FGF9: variants seen among roughly 807,000 people sequenced by gnomAD.
FGF9 encodes the protein fibroblast growth factor 9, also known as fibroblast growth factor 9 (glia-activating factor).
Under a neutral mutation model 19.9 loss-of-function variants are expected in FGF9, and 3 were observed. The observed-to-expected ratio is 0.15, with a 90% CI of 0.07 to 0.39. The LOEUF is 0.39. FGF9 is among the 10% of genes least tolerant of loss of function. FGF9 has a pLI of 1.00. For missense variants in FGF9, 175 were observed against 256.8 expected, an observed-to-expected ratio of 0.68 and a Z score of 2.18; for synonymous variants, 107 against 106.9, an observed-to-expected ratio of 1.00 and a Z score of -0.01.
intron 2 of FGF9, among the ~76,000 whole-genome samples, chr13:21,696,511 A>G (rs1872412790): frequency 6.7e-6 from 1 of 149,960 alleles, no homozygotes; most frequent in Non-Finnish European, 1.5e-5. Flanking sequence ...TGATCACTTT[A>G]TAGTGGAATA....
chr13:21,679,129 C>G lies in FGF9; in HGVS notation c.278-1913C>G, dbSNP rs375142610. On this transcript the variant is annotated intron_variant, in intron 1 of 2. Transcript: ENST00000382353. ...AACTGGCTTCTTTTGCATGTATTCT[C>G]CATCATAGAGTCATAGATTATCAGA... Among the ~76,000 whole-genome samples the G allele has an allele frequency of 5.3e-5, 8 of 152,260 alleles. 1 individual carries two copies. In the East Asian group the frequency reaches 1.5e-3, roughly 29 times the overall value.
rs17070240 is a variant in FGF9, at chr13:21,681,284, G to A, written c.381+139G>A. On this transcript the variant is annotated intron_variant, in intron 2 of 2. Coordinates refer to ENST00000382353, the MANE Select transcript of FGF9 (RefSeq NM_002010.3). Reference sequence around the variant, plus strand: ...TGTAAGTTTTTACTTTTTGAGGAAAGCCATTTTATTTTTATTAATAGATAA... The same window carrying A: ...TGTAAGTTTTTACTTTTTGAGGAAAACCATTTTATTTTTATTAATAGATAA... 599 of 672,956 alleles carry A rather than the reference G, an allele frequency of 8.9e-4. 1 individual carries two copies. The African/African-American group carries it at 8.9e-3, about 10-fold the overall frequency. The allele number at this position is 672,956 out of a possible 1,614,324, so 41.7% of individuals were successfully genotyped here.
chr13:21,679,668 G>C (rs1199244001), intron 1 of FGF9, among the ~76,000 whole-genome samples: 2 of 151,586 alleles, frequency 1.3e-5, no homozygotes, highest in Non-Finnish European at 2.9e-5. Flanking sequence ...GACAGGCGCG[G>C]TAGCTCACGC....
chr13:21,701,591 T>A lies in FGF9; in HGVS notation c.*156T>A. The A allele has an allele frequency of 3.8e-6, 4 of 1,064,228 alleles. No homozygotes were observed. Among genetic ancestry groups the A allele is most frequent in the Non-Finnish European group, 5.6e-6 (4 of 715,826 alleles). 65.9% of individuals were successfully genotyped at this position (1,064,228 alleles called of 1,614,324 possible). Reference sequence around the variant, plus strand: ...TATGATGGAGGCTTGGATGGGAATATGCTGATTTTGTTCTGCACTTAAAGG... The same window carrying A: ...TATGATGGAGGCTTGGATGGGAATAAGCTGATTTTGTTCTGCACTTAAAGG... On this transcript the variant is annotated 3_prime_UTR_variant, in exon 3 of 3. Coordinates refer to ENST00000382353, the MANE Select transcript of FGF9 (RefSeq NM_002010.3).
At chr13:21,687,199 CAT>C (rs1201892261) in intron 2 of FGF9, among the ~76,000 whole-genome samples, 1 of 152,154 alleles carries the variant, frequency 6.6e-6, no homozygotes, top group East Asian at 1.9e-4. Flanking sequence ...GGCAGACACA[CAT>C]GAGTCAAAGA....
At chr13:21,690,633 G>C (rs916011747) in intron 2 of FGF9, among the ~76,000 whole-genome samples, 3 of 152,176 alleles carry the variant, frequency 2.0e-5, no homozygotes, top group Admixed American at 6.5e-5. Context: ...AAACTTGCTT[G>C]TAACCCCCAA....
chr13:21,677,414 G>GT (rs1871943377), intron 1 of FGF9, among the ~76,000 whole-genome samples: 2 of 152,096 alleles, frequency 1.3e-5, no homozygotes, highest in African/African-American at 2.4e-5. Flanking sequence ...TCTCCTGGCT[G>GT]TTATTGATCC....
chr13:21,671,307 T>TTTA lies in FGF9; in HGVS notation c.-595_-593dup, dbSNP rs555608414. 8.6e-5 allele frequency: 31 copies of TTTA among 359,074 alleles called. No homozygotes were observed. The highest frequency in any genetic ancestry group is 1.2e-4 in the Non-Finnish European group (24 of 202,744). 22.2% of individuals were successfully genotyped at this position (359,074 alleles called of 1,614,324 possible). A position where few individuals can be genotyped will look rare whatever the true frequency, so the allele number is the denominator to read the frequency against. On this transcript the variant is annotated 5_prime_UTR_variant, in exon 1 of 3. Transcript: ENST00000382353. ...GCCTAAAGTTTCTTCTTCTTTTTGT[T>TTTA]TTATTATTATTATCATTTTTTGGAG...
At chr13:21,699,732 T>C (rs893558111) in intron 2 of FGF9, among the ~76,000 whole-genome samples, 3 of 152,232 alleles carry the variant, frequency 2.0e-5, no homozygotes, top group African/African-American at 7.2e-5. Context: ...GTATAAAGTT[T>C]ACTGTCTGTC....
rs565147519 is a variant in FGF9 at position 21,671,850 on chromosome 13, A to T, written c.-63A>T. ...AGGGGAGTTGGATATACCTCGCCTAATATCTCCTGGGTTGACACCATCATT... is the reference window on the plus strand; with the variant it reads ...AGGGGAGTTGGATATACCTCGCCTATTATCTCCTGGGTTGACACCATCATT... On this transcript the variant is annotated 5_prime_UTR_variant, in exon 1 of 3. Coordinates refer to ENST00000382353, the MANE Select transcript of FGF9 (RefSeq NM_002010.3). 3.1e-5 allele frequency: 49 copies of T among 1,601,042 alleles called. No homozygotes were observed. The highest frequency in any genetic ancestry group is 3.9e-5 in the Non-Finnish European group (45 of 1,168,382).
chr13:21,690,197 A>G (rs1403800260), intron 2 of FGF9, among the ~76,000 whole-genome samples: 1 of 152,028 alleles, frequency 6.6e-6, no homozygotes, highest in Non-Finnish European at 1.5e-5. Flanking sequence ...TCACACACTC[A>G]CACACTCTTC....
At position 21,671,167 on chromosome 13, in the gene FGF9, C is replaced by G. The variant is rs1299575790; in HGVS notation, c.-746C>G. On this transcript the variant is annotated 5_prime_UTR_variant, in exon 1 of 3. Transcript: ENST00000382353. Reference sequence around the variant, plus strand: ...GCGCGGCAACACCTGTTCGCGGCAGCCTGGGCGGCACGCGAGCTCCCGGAC... The same window carrying G: ...GCGCGGCAACACCTGTTCGCGGCAGGCTGGGCGGCACGCGAGCTCCCGGAC... Among the ~76,000 whole-genome samples the G allele has an allele frequency of 6.6e-6, 1 of 152,244 alleles. No homozygotes were observed. The highest frequency in any genetic ancestry group is 2.4e-5 in the African/African-American group (1 of 41,462).
rs1440380804 is a variant in FGF9, at chr13:21,702,771, T to G, written c.*1336T>G. ...AGAAAATGGCTATCAGTGTGAACTGTCATAATTACGTGGTAATAGCACCCT... is the reference window on the plus strand; with the variant it reads ...AGAAAATGGCTATCAGTGTGAACTGGCATAATTACGTGGTAATAGCACCCT... On this transcript the variant is annotated 3_prime_UTR_variant, in exon 3 of 3. Transcript: ENST00000382353. 6.6e-6 allele frequency: 1 copy of G among 152,210 alleles called. No homozygotes were observed. Among genetic ancestry groups the G allele is most frequent in the Non-Finnish European group, 1.5e-5 (1 of 68,046 alleles). 9.4% of individuals were successfully genotyped at this position (152,210 alleles called of 1,614,324 possible).
At chr13:21,681,226 C>A in intron 2 of FGF9, 81 bp downstream of exon 2, 1 of 1,062,308 alleles carries the variant, frequency 9.4e-7, no homozygotes, top group Non-Finnish European at 1.5e-6. Context: ...TAAAAAGGGC[C>A]AGAAATGCAA....
intron 1 of FGF9, among the ~76,000 whole-genome samples, chr13:21,679,999 C>G (rs927975453): frequency 1.3e-5 from 2 of 150,354 alleles, no homozygotes; most frequent in Admixed American, 6.6e-5. Context: ...CCTAAATATA[C>G]TGTGGGCTAA....
chr13:21,688,020 C>T (rs541128227), intron 2 of FGF9, among the ~76,000 whole-genome samples: 23 of 152,318 alleles, frequency 1.5e-4, no homozygotes, highest in African/African-American at 4.3e-4. Flanking sequence ...TGCATAGGCA[C>T]GAAGCTCTGG....
rs977924892 is a variant in FGF9 at position 21,681,913 on chromosome 13, G to T, written c.381+768G>T. Among the ~76,000 whole-genome samples the T allele has an allele frequency of 2.6e-5, 4 of 152,124 alleles. No homozygotes were observed. In the South Asian group the frequency reaches 8.3e-4, roughly 32 times the overall value. On this transcript the variant is annotated intron_variant, in intron 2 of 2. Transcript: ENST00000382353. ...GGGACTTAATACATTTTTGCTGAAT[G>T]TATAAGTATGAATAATATATACTAA...
chr13:21,678,099 T>C (rs1480811451), intron 1 of FGF9, among the ~76,000 whole-genome samples: 1 of 152,208 alleles, frequency 6.6e-6, no homozygotes, highest in African/African-American at 2.4e-5. Context: ...TTCATCTTTA[T>C]ATACTCAATA....
chr13:21,683,031 T>C (rs991705315), intron 2 of FGF9, among the ~76,000 whole-genome samples: 5 of 152,216 alleles, frequency 3.3e-5, no homozygotes, highest in Non-Finnish European at 5.9e-5. Flanking sequence ...TTTTAAAGAA[T>C]AGAATGAATG....
Sources: gnomAD v4.1 joint callset for allele counts (sites outside exome capture counted in the v4.1 genomes callset) on GRCh38, gnomAD v4.1.1 for gene constraint, MANE v1.5 for transcripts, NCBI Gene and HGNC (gene_info 2026-07-23, HGNC 2026-07-21) for gene names.